Variants in CTNNA2 observed in about 807,000 individuals in gnomAD.
The protein encoded by CTNNA2 is catenin alpha-2.
CTNNA2 carries 42 observed loss-of-function variants against 101.0 expected under a neutral mutation model. The observed-to-expected ratio is 0.42, with a 90% confidence interval of 0.32 to 0.54. The LOEUF (loss-of-function observed/expected upper bound fraction) is 0.54, where lower values mean the gene tolerates loss of function less well. CTNNA2 is among the 20% of genes least tolerant of loss of function. CTNNA2 has a pLI of 0.14. For synonymous variants in CTNNA2, 450 were observed against 456.4 expected, an observed-to-expected ratio of 0.99 and a Z score of 0.18; for missense variants, 871 against 1,223.1, an observed-to-expected ratio of 0.71 and a Z score of 4.29.
chr2:80,201,576 C>T (rs532268795), intron 7 of CTNNA2, among the ~76,000 whole-genome samples: 10 of 151,840 alleles, frequency 6.6e-5, no homozygotes, highest in African/African-American at 9.7e-5. Context: ...GGGGTTTCAC[C>T]GTGTTAGCTA....
intron 9 of CTNNA2, among the ~76,000 whole-genome samples, chr2:80,495,384 G>T (rs745474568): frequency 2.0e-5 from 3 of 152,014 alleles, no homozygotes; most frequent in Admixed American, 2.0e-4. Flanking sequence ...ACTCTCTTCT[G>T]TCTCTTAAAG....
chr2:80,467,537 T>A (rs2149481159), intron 9 of CTNNA2, among the ~76,000 whole-genome samples: 1 of 152,240 alleles, frequency 6.6e-6, no homozygotes, highest in African/African-American at 2.4e-5. Context: ...AGGGCACTCG[T>A]GAGATCCATT....
intron 4 of CTNNA2, among the ~76,000 whole-genome samples, chr2:79,374,615 T>C (rs2167390): frequency 0.8 from 122,165 of 152,048 alleles, 49,662 homozygotes; most frequent in African/African-American, 0.92. Flanking sequence ...CTGTAGATGA[T>C]GTATATTTTT....
rs561247530 is a variant in CTNNA2, at chr2:79,882,897, G to A, written c.852+8555G>A. 3.5e-4 allele frequency among the ~76,000 whole-genome samples: 53 copies of A among 150,898 alleles called. 1 individual carries two copies. The highest frequency in any genetic ancestry group is 1.3e-4 in the Non-Finnish European group (9 of 67,842). On this transcript the variant is annotated intron_variant, in intron 6 of 18. Coordinates refer to ENST00000402739, the MANE Select transcript of CTNNA2 (RefSeq NM_001282597.3). ...TTTCCATGAAAAAAGCAGTTTTGCC[G>A]GCTGTGTTGCATGCTCACTCACTGC... is the stretch of plus-strand genomic sequence containing the variant.
intron 7 of CTNNA2, among the ~76,000 whole-genome samples, chr2:80,060,124 C>T (rs1328362222): frequency 1.3e-5 from 2 of 152,202 alleles, no homozygotes; most frequent in Non-Finnish European, 2.9e-5. Flanking sequence ...AGTCAGAGCA[C>T]AGTATATATT....
chr2:79,984,033 C>T (rs900881394), intron 7 of CTNNA2, among the ~76,000 whole-genome samples: 3 of 152,160 alleles, frequency 2.0e-5, no homozygotes, highest in East Asian at 1.9e-4. Context: ...TCCAAAACCT[C>T]GGTTTCTACT....
chr2:80,230,958 GTTTGT>G (rs111940943), intron 7 of CTNNA2, among the ~76,000 whole-genome samples: 6 of 151,236 alleles, frequency 4.0e-5, no homozygotes, highest in African/African-American at 9.8e-5. Context: ...TGTTCCTGGT[GTTTGT>G]TTTGTTTTGT....
chr2:79,887,549 C>A (rs1574233372), intron 6 of CTNNA2, among the ~76,000 whole-genome samples: 1 of 152,074 alleles, frequency 6.6e-6, no homozygotes, highest in African/African-American at 2.4e-5. Context: ...GTCATTTATG[C>A]AGATATTATA....
intron 7 of CTNNA2, among the ~76,000 whole-genome samples, chr2:80,362,041 G>A (rs1460943910): frequency 6.6e-6 from 1 of 152,116 alleles, no homozygotes; most frequent in Admixed American, 6.6e-5. Flanking sequence ...TAATTAGGGT[G>A]ACCATCTGTT....
intron 7 of CTNNA2, among the ~76,000 whole-genome samples, chr2:80,067,207 A>G (rs1203125352): frequency 6.6e-6 from 1 of 152,136 alleles, no homozygotes; most frequent in East Asian, 1.9e-4. Flanking sequence ...AAAATTGCTA[A>G]GAAAGTAGAT....
chr2:79,279,909 A>T (rs1019706238), intron 2 of CTNNA2, among the ~76,000 whole-genome samples: 20 of 152,064 alleles, frequency 1.3e-4, no homozygotes, highest in African/African-American at 4.8e-4. Context: ...ATGAAGTTTT[A>T]TCCTCACCTT....
At chr2:79,358,693 C>G (rs1677562518) in intron 3 of CTNNA2, among the ~76,000 whole-genome samples, 1 of 152,108 alleles carries the variant, frequency 6.6e-6, no homozygotes, top group Admixed American at 6.6e-5. Context: ...AAGCAGCAGC[C>G]AATTTAAGTC....
intron 2 of CTNNA2, among the ~76,000 whole-genome samples, chr2:79,718,135 A>G (rs569122613): frequency 4.6e-5 from 7 of 152,226 alleles, no homozygotes; most frequent in Non-Finnish European, 1.0e-4. Flanking sequence ...ATAACTTCCT[A>G]TAGTAATAGT....
chr2:79,899,381 AC>A (rs1684929411), intron 6 of CTNNA2, among the ~76,000 whole-genome samples: 1 of 152,166 alleles, frequency 6.6e-6, no homozygotes, highest in African/African-American at 2.4e-5. Context: ...TGCCATAGCA[AC>A]TCAGCAACAC....
intron 7 of CTNNA2, among the ~76,000 whole-genome samples, chr2:80,142,906 T>G (rs1703099789): frequency 6.6e-6 from 1 of 150,944 alleles, no homozygotes. Context: ...CAAGATTAAC[T>G]ACCGTTGACA....
chr2:80,149,083 A>G (rs1348798899), intron 7 of CTNNA2, among the ~76,000 whole-genome samples: 1 of 144,388 alleles, frequency 6.9e-6, no homozygotes, highest in African/African-American at 2.6e-5. Flanking sequence ...GCTGGAGTGC[A>G]GTGGCGTGAT....
chr2:80,038,188 C>T (rs946084470), intron 7 of CTNNA2, among the ~76,000 whole-genome samples: 1 of 152,078 alleles, frequency 6.6e-6, no homozygotes, highest in Admixed American at 6.5e-5. Flanking sequence ...TGGAGAAGGT[C>T]GGGATCCTGC....
intron 7 of CTNNA2, among the ~76,000 whole-genome samples, chr2:80,135,121 T>C (rs927999946): frequency 6.6e-6 from 1 of 152,190 alleles, no homozygotes; most frequent in African/African-American, 2.4e-5. Context: ...GAAAAGAGTT[T>C]CACAGACAGT....
intron 14 of CTNNA2, among the ~76,000 whole-genome samples, chr2:80,588,644 T>G (rs573475391): frequency 6.6e-6 from 1 of 152,274 alleles, no homozygotes; most frequent in East Asian, 1.9e-4. Context: ...TTTTATCCTT[T>G]ATCCCATTAT....
Sources: allele counts gnomAD v4.1 joint callset (sites outside exome capture counted in the v4.1 genomes callset), GRCh38; gene constraint gnomAD v4.1.1; transcripts MANE v1.5; gene names NCBI Gene and HGNC (gene_info 2026-07-23, HGNC 2026-07-21).